Variants in TUBB observed in about 807,000 individuals in gnomAD.
TUBB encodes tubulin beta class I.
In TUBB, 2 loss-of-function variants were observed where a neutral mutation model predicts 35.1. The observed-to-expected ratio is 0.06, with a 90% CI of 0.02 to 0.18. TUBB has a LOEUF of 0.18. Among genes scored for constraint, TUBB ranks in the 10% least tolerant of loss-of-function variants. TUBB has a pLI of 1.00. For synonymous variants in TUBB, 205 were observed against 223.8 expected (o/e 0.92, Z 0.75); for missense variants, 50 against 599.4 (o/e 0.08, Z 9.57).
rs1776254650 is a variant in TUBB at position 30,721,555 on chromosome 6, T to C, written c.58-982T>C. ...TGGCCCCGCCCACGCGCGAAGTCTTTTGTCGGCGGCTCGACCTGCGCGTGC... is the reference window on the plus strand; with the variant it reads ...TGGCCCCGCCCACGCGCGAAGTCTTCTGTCGGCGGCTCGACCTGCGCGTGC... On this transcript the variant is annotated intron_variant, in intron 1 of 3. Coordinates refer to ENST00000327892, the MANE Select transcript of TUBB (RefSeq NM_178014.4). The C allele has an allele frequency of 1.2e-5, 12 of 985,172 alleles. No individual in the cohort carries two copies. The South Asian group carries it at 3.8e-4, about 31-fold the overall frequency. 61.0% of individuals were successfully genotyped at this position (985,172 alleles called of 1,614,324 possible).
intron 2 of TUBB, 53 bp downstream of exon 2, chr6:30,722,698 C>T: frequency 2.1e-6 from 3 of 1,455,332 alleles, no homozygotes; most frequent in South Asian, 2.3e-5. Flanking sequence ...TCCCACTTAT[C>T]TGGGATCTCT....
At chr6:30,720,951 T>C (rs1776182478) in intron 1 of TUBB, among the ~76,000 whole-genome samples, 1 of 152,188 alleles carries the variant, frequency 6.6e-6, no homozygotes, top group African/African-American at 2.4e-5. Flanking sequence ...GCGGGGTACT[T>C]AGGGCCAAAC....
chr6:30,723,230 G>A, intron 3 of TUBB, 110 bp from the exon 4 acceptor site: 1 of 1,032,510 alleles, frequency 9.7e-7, no homozygotes, highest in South Asian at 1.6e-5. Context: ...ATATCACAGT[G>A]AAGGAGAAAG....
rs760878236 is a variant in TUBB at position 30,720,483 on chromosome 6, G to T, written c.-24G>T. Reference sequence around the variant, plus strand: ...TCTTGCCCCATACATACCTTGAGGCGAGCAAAAAAATTAAATTTTAACCAT... The same window carrying T: ...TCTTGCCCCATACATACCTTGAGGCTAGCAAAAAAATTAAATTTTAACCAT... On this transcript the variant is annotated 5_prime_UTR_variant, in exon 1 of 4. Transcript: ENST00000327892. 2 of 1,613,948 alleles carry T rather than the reference G, an allele frequency of 1.2e-6. No homozygotes were observed. Among genetic ancestry groups the T allele is most frequent in the African/African-American group, 1.3e-5 (1 of 75,002 alleles).
intron 2 of TUBB, 43 bp from the exon 3 acceptor site, chr6:30,722,875 C>T (rs777419483): frequency 1.3e-6 from 2 of 1,519,502 alleles, no homozygotes; most frequent in Admixed American, 1.7e-5. Context: ...TATAAACCTT[C>T]CCTTCTGCCA....
Position 30,722,910 on chromosome 6 carries a change from C to T in TUBB, c.167-8C>T. 1.9e-6 allele frequency: 3 copies of T among 1,607,844 alleles called. No homozygotes were observed. Among genetic ancestry groups the T allele is most frequent in the African/African-American group, 2.7e-5 (2 of 74,814 alleles). On this transcript the variant is annotated splice_region_variant and splice_polypyrimidine_tract_variant and intron_variant, in intron 2 of 3. Coordinates refer to ENST00000327892, the MANE Select transcript of TUBB (RefSeq NM_178014.4). ...AGATTTCACAGCTCTTAACTTTATTCTCTGTAGGTGGCAAATATGTTCCTC... is the reference window on the plus strand; with the variant it reads ...AGATTTCACAGCTCTTAACTTTATTTTCTGTAGGTGGCAAATATGTTCCTC...
At chr6:30,723,189 C>A in intron 3 of TUBB, 151 bp from the exon 4 acceptor site, 1 of 903,968 alleles carries the variant, frequency 1.1e-6, no homozygotes, top group Non-Finnish European at 1.7e-6. Flanking sequence ...CCTACTATTG[C>A]TGGTAAATTA....
chr6:30,722,392 G>T, intron 1 of TUBB, 145 bp from the exon 2 acceptor site: 2 of 625,492 alleles, frequency 3.2e-6, no homozygotes, highest in Non-Finnish European at 5.7e-6. Flanking sequence ...GCAGTGAGCC[G>T]AGATAGCGCC....
Position 30,724,984 on chromosome 6 carries a change from A to AGTC in TUBB, c.*588_*590dup, listed in dbSNP as rs1268867629. 1 of 153,290 alleles carries AGTC rather than the reference A, an allele frequency of 6.5e-6. No homozygotes were observed. Among genetic ancestry groups the AGTC allele is most frequent in the African/African-American group, 2.4e-5 (1 of 41,248 alleles). 9.5% of individuals were successfully genotyped at this position (153,290 alleles called of 1,614,324 possible). ...CTCCCTCCAAGCTCTACTCTGGAGGAGTCTGTCCCACTCTGTCAAGTGGAA... is the reference window on the plus strand; with the variant it reads ...CTCCCTCCAAGCTCTACTCTGGAGGAGTCGTCTGTCCCACTCTGTCAAGTGGAA... On this transcript the variant is annotated 3_prime_UTR_variant, in exon 4 of 4. Coordinates refer to ENST00000327892, the MANE Select transcript of TUBB (RefSeq NM_178014.4). This position sits in a 1 kb window ranked among gnomAD's most constrained non-coding sequence, Gnocchi z 4.4.
At chr6:30,722,005 T>A (rs1423626217) in intron 1 of TUBB, 2 of 660,690 alleles carry the variant, frequency 3.0e-6, no homozygotes, top group Non-Finnish European at 3.8e-6. Flanking sequence ...AGTAAAAAAT[T>A]AGCTGGGCGT....
In TUBB at chr6:30,724,388, G is replaced by A. The variant is rs3873309; in HGVS notation, c.1326G>A (p.Glu442=). The change falls in exon 4 of 4, where the codon GAG becomes GAA. Residue 442 remains glutamate (E), a synonymous_variant. Transcript: ENST00000327892. The surrounding 1 kb of genome is among the most constrained non-coding windows in gnomAD (Gnocchi z 4.4). ...AGGATTTCGGTGAGGAGGCCGAAGA[G>A]GAGGCCTAAGGCAGAGCCCCCATCA... ...EEEDFGEEAE[E]EA 1.9e-6 allele frequency: 3 copies of A among 1,609,988 alleles called. No individual in the cohort carries two copies. Among genetic ancestry groups the A allele is most frequent in the African/African-American group, 2.7e-5 (2 of 74,838 alleles).
intron 3 of TUBB, 40 bp from the exon 4 acceptor site, chr6:30,723,300 A>T: frequency 6.7e-7 from 1 of 1,482,686 alleles, no homozygotes; most frequent in African/African-American, 1.4e-5. Context: ...TGTATCTTCC[A>T]TACCCTGTTA....
At position 30,720,580 on chromosome 6, in the gene TUBB, T is replaced by C; in HGVS notation, c.57+17T>C. ...GGTGCCAAGGTAAGAATTTTACACC[T>C]CTTTTATTTCTTTTTACAAGGAAAA... On this transcript the variant is annotated intron_variant, in intron 1 of 3. Transcript: ENST00000327892. 2 of 1,598,636 alleles carry C rather than the reference T, an allele frequency of 1.3e-6. No homozygotes were observed. The highest frequency in any genetic ancestry group is 1.7e-6 in the Non-Finnish European group (2 of 1,173,386).
Position 30,723,328 on chromosome 6 carries a change from A to T in TUBB, c.278-12A>T, listed in dbSNP as rs1245197931. Reference sequence around the variant, plus strand: ...CCCTGTTAATTGAGCTTTTCTCCTGACTGCATTCCAGGTCAGTCTGGGGCA... The same window carrying T: ...CCCTGTTAATTGAGCTTTTCTCCTGTCTGCATTCCAGGTCAGTCTGGGGCA... On this transcript the variant is annotated splice_polypyrimidine_tract_variant and intron_variant, in intron 3 of 3. Coordinates refer to ENST00000327892, the MANE Select transcript of TUBB (RefSeq NM_178014.4). 1 of 1,584,080 alleles carries T rather than the reference A, an allele frequency of 6.3e-7. No homozygotes were observed. The highest frequency in any genetic ancestry group is 1.8e-5 in the Admixed American group (1 of 55,548).
chr6:30,721,656 G>A, intron 1 of TUBB: 1 of 985,456 alleles, frequency 1.0e-6, no homozygotes, highest in Non-Finnish European at 1.2e-6. Flanking sequence ...AGCCTTTTGT[G>A]CGCCGCGCGG....
intron 1 of TUBB, among the ~76,000 whole-genome samples, chr6:30,721,052 G>C (rs1449612835): frequency 2.0e-5 from 3 of 152,240 alleles, no homozygotes; most frequent in South Asian, 2.1e-4. Flanking sequence ...TGCGCTGGGC[G>C]CTACCTTTCA....
chr6:30,721,397 C>T (rs1159729104), intron 1 of TUBB, among the ~76,000 whole-genome samples: 3 of 142,592 alleles, frequency 2.1e-5, no homozygotes, highest in Admixed American at 7.1e-5. Flanking sequence ...GCGGCTGCTA[C>T]GTTGTAGCAG....
chr6:30,723,043 T>C lies in TUBB; in HGVS notation c.277+15T>C, dbSNP rs372823186. On this transcript the variant is annotated intron_variant, in intron 3 of 3. Coordinates refer to ENST00000327892, the MANE Select transcript of TUBB (RefSeq NM_178014.4). ...CTTTGTATTTGGTGAGTTATACAGA[T>C]GATATTAGCAGATGATATACCATCG... 14 of 1,586,954 alleles carry C rather than the reference T, an allele frequency of 8.8e-6. No individual in the cohort carries two copies. Among genetic ancestry groups the C allele is most frequent in the Admixed American group, 1.7e-5 (1 of 58,390 alleles).
chr6:30,722,896 C>G (rs1346333179), intron 2 of TUBB, 22 bp from the exon 3 acceptor site: 1 of 1,590,142 alleles, frequency 6.3e-7, no homozygotes. Context: ...GATTTCACAG[C>G]TCTTAACTTT....
Sources: gnomAD v4.1 joint callset for allele counts (sites outside exome capture counted in the v4.1 genomes callset) on GRCh38, gnomAD v4.1.1 for gene constraint, Gnocchi (gnomAD v3.1) non-coding constraint, MANE v1.5 for transcripts, NCBI Gene and HGNC (gene_info 2026-07-23, HGNC 2026-07-21) for gene names.